The following GALNT17 variants were observed in gnomAD, a reference collection of about 807,000 sequenced individuals.
GALNT17 encodes the protein polypeptide N-acetylgalactosaminyltransferase 17.
In GALNT17, 29 loss-of-function variants were observed where a neutral mutation model predicts 63.7. That is an observed-to-expected ratio of 0.46 (90% CI 0.34 to 0.62). GALNT17 has a LOEUF of 0.62. Among genes scored for constraint, GALNT17 ranks in the 20% least tolerant of loss-of-function variants. GALNT17 has a pLI of 0.01. For synonymous variants in GALNT17, 305 were observed against 318.3 expected, an observed-to-expected ratio of 0.96 and a Z score of 0.45; for missense variants, 603 against 799.6, an observed-to-expected ratio of 0.75 and a Z score of 2.97.
intron 1 of GALNT17, among the ~76,000 whole-genome samples, chr7:71,233,345 C>A (rs957922865): frequency 1.3e-5 from 2 of 152,206 alleles, no homozygotes; most frequent in Non-Finnish European, 2.9e-5. Context: ...TGGGCAGTCC[C>A]TGGATGAGCG....
chr7:71,137,152 T>TTG (rs1374176020), intron 1 of GALNT17, among the ~76,000 whole-genome samples: 1 of 148,834 alleles, frequency 6.7e-6, no homozygotes, highest in Non-Finnish European at 1.5e-5. Context: ...TTTTTTTTTT[T>TTG]TTTTTGAGAC....
At chr7:71,310,890 C>G (rs1308889678) in intron 1 of GALNT17, among the ~76,000 whole-genome samples, 1 of 152,184 alleles carries the variant, frequency 6.6e-6, no homozygotes, top group Non-Finnish European at 1.5e-5. Flanking sequence ...GAAGGGATCT[C>G]AGGAAGACAG....
At chr7:71,661,439 G>A (rs1217265718) in intron 6 of GALNT17, among the ~76,000 whole-genome samples, 1 of 152,142 alleles carries the variant, frequency 6.6e-6, no homozygotes, top group Non-Finnish European at 1.5e-5. Flanking sequence ...CTAAGGGGAG[G>A]GGCCTGTGAA....
At chr7:71,175,244 A>G (rs536869678) in intron 1 of GALNT17, among the ~76,000 whole-genome samples, 1 of 151,730 alleles carries the variant, frequency 6.6e-6, no homozygotes, top group Admixed American at 6.6e-5. Flanking sequence ...CCACACTTCC[A>G]TCCATCTGTC....
chr7:71,500,140 G>A (rs536160302), intron 5 of GALNT17, among the ~76,000 whole-genome samples: 9 of 152,128 alleles, frequency 5.9e-5, no homozygotes, highest in Admixed American at 2.6e-4. Context: ...TAATACACTC[G>A]TCCATCCCAA....
At chr7:71,412,199 G>C (rs1793441143) in intron 3 of GALNT17, among the ~76,000 whole-genome samples, 1 of 152,144 alleles carries the variant, frequency 6.6e-6, no homozygotes, top group South Asian at 2.1e-4. Context: ...CAGCTGCTCG[G>C]GAGGCTGAGG....
chr7:71,458,699 G>A (rs956888607), intron 5 of GALNT17, among the ~76,000 whole-genome samples: 3 of 152,164 alleles, frequency 2.0e-5, no homozygotes, highest in Non-Finnish European at 4.4e-5. Context: ...GAAAGGTGAT[G>A]GAGTGGGAAG....
chr7:71,420,796 C>T (rs1000094353), intron 4 of GALNT17, 112 bp from the exon 5 acceptor site: 1 of 1,311,300 alleles, frequency 7.6e-7, no homozygotes, highest in Middle Eastern at 2.1e-4. Context: ...TGAGTTCCAG[C>T]CTTCCCAAAG....
At chr7:71,665,100 C>A (rs1340736545) in intron 6 of GALNT17, among the ~76,000 whole-genome samples, 1 of 152,128 alleles carries the variant, frequency 6.6e-6, no homozygotes, top group Non-Finnish European at 1.5e-5. Flanking sequence ...GCCTCAGCCT[C>A]CTGAGTAGCT....
chr7:71,141,073 G>C (rs1787880919), intron 1 of GALNT17, among the ~76,000 whole-genome samples: 1 of 150,952 alleles, frequency 6.6e-6, no homozygotes, highest in African/African-American at 2.4e-5. Flanking sequence ...TCAGGGCCAG[G>C]CATGGTGACT....
chr7:71,568,351 C>T (rs1395879645), intron 5 of GALNT17, among the ~76,000 whole-genome samples: 1 of 152,100 alleles, frequency 6.6e-6, no homozygotes, highest in Non-Finnish European at 1.5e-5. Flanking sequence ...ACGAGATGTG[C>T]GTGGAAAGTG....
At chr7:71,355,605 C>G (rs1287229212) in intron 2 of GALNT17, among the ~76,000 whole-genome samples, 3 of 151,610 alleles carry the variant, frequency 2.0e-5, no homozygotes, top group African/African-American at 4.8e-5. Flanking sequence ...TGATCTCGGC[C>G]CACTGCAACC....
chr7:71,449,021 G>T (rs761829686), intron 5 of GALNT17, among the ~76,000 whole-genome samples: 5 of 150,618 alleles, frequency 3.3e-5, no homozygotes, highest in Non-Finnish European at 5.9e-5. Flanking sequence ...AAAGTTGACA[G>T]CTGAACTTCT....
intron 5 of GALNT17, among the ~76,000 whole-genome samples, chr7:71,425,622 A>G (rs1273491193): frequency 6.6e-6 from 1 of 152,140 alleles, no homozygotes; most frequent in African/African-American, 2.4e-5. Context: ...CAAGGCCCCA[A>G]CCACATGCGT....
intron 1 of GALNT17, among the ~76,000 whole-genome samples, chr7:71,196,629 A>T (rs181819040): frequency 9.6e-4 from 135 of 141,214 alleles, no homozygotes; most frequent in African/African-American, 3.6e-3. Context: ...TTGCTTAATT[A>T]AAAAAAAAAT....
intron 6 of GALNT17, among the ~76,000 whole-genome samples, chr7:71,621,419 C>T (rs942104324): frequency 2.6e-5 from 4 of 151,974 alleles, no homozygotes; most frequent in African/African-American, 4.8e-5. Context: ...GACACTTAAC[C>T]TTAAAGAAAT....
chr7:71,238,145 A>G (rs951105131), intron 1 of GALNT17, among the ~76,000 whole-genome samples: 1 of 152,186 alleles, frequency 6.6e-6, no homozygotes, highest in Admixed American at 6.5e-5. Flanking sequence ...CACATTCCAT[A>G]AGGCAGAGGG....
intron 5 of GALNT17, among the ~76,000 whole-genome samples, chr7:71,471,400 A>C (rs1334250880): frequency 9.6e-6 from 1 of 104,530 alleles, no homozygotes; most frequent in Non-Finnish European, 1.9e-5. Flanking sequence ...TTTTTTTTCC[A>C]AAAAAAAAAA....
At chr7:71,578,381 G>A (rs1204372368) in intron 6 of GALNT17, among the ~76,000 whole-genome samples, 1 of 152,064 alleles carries the variant, frequency 6.6e-6, no homozygotes. Flanking sequence ...CATCTAAGCT[G>A]GAGTGCAGTT....
Sources: gnomAD v4.1 joint callset for allele counts (sites outside exome capture counted in the v4.1 genomes callset) on GRCh38, gnomAD v4.1.1 for gene constraint, MANE v1.5 for transcripts, NCBI Gene and HGNC (gene_info 2026-07-23, HGNC 2026-07-21) for gene names.